FANCL: variants seen among roughly 807,000 people sequenced by gnomAD.
FANCL encodes the protein FA complementation group L.
In FANCL, 69 loss-of-function variants were observed where a neutral mutation model predicts 59.4. The ratio of observed to expected loss-of-function variants is 1.16; its 90% CI spans 0.96 to 1.42. FANCL has a LOEUF of 1.42. FANCL is among the 40% of genes most tolerant of loss of function. The pLI, the probability that FANCL is intolerant of heterozygous loss-of-function variation, is 0.00. For synonymous variants in FANCL, 180 were observed against 147.1 expected, an observed-to-expected ratio of 1.22 and a Z score of -1.62; for missense variants, 519 against 447.2, an observed-to-expected ratio of 1.16 and a Z score of -1.45.
intron 12 of FANCL, 101 bp from the exon 13 acceptor site, chr2:58,160,280 T>C: frequency 8.3e-7 from 1 of 1,210,694 alleles, no homozygotes; most frequent in Non-Finnish European, 1.2e-6. Flanking sequence ...ATGTTTTTAT[T>C]CCAGAAGACT....
rs1446960818 is a variant in FANCL at position 58,162,902 on chromosome 2, T to C, written c.867A>G (p.Glu289=). 3.1e-6 allele frequency: 5 copies of C among 1,612,788 alleles called. No individual in the cohort carries two copies. Among genetic ancestry groups the C allele is most frequent in the Non-Finnish European group, 3.4e-6 (4 of 1,179,178 alleles). The change falls in exon 11 of 14, where the codon GAA becomes GAG. Residue 289 remains glutamate (E), a synonymous_variant. Transcript: ENST00000233741. Reference sequence around the variant, plus strand: ...GGATAGCACGAGCTGGAAAATCAATTTCTAAAACATCTTTCAAATTTTGTA... The same window carrying C: ...GGATAGCACGAGCTGGAAAATCAATCTCTAAAACATCTTTCAAATTTTGTA... ...SVLQNLKDVL[E]IDFPARAILE... is the part of the protein sequence containing the mutation.
intron 7 of FANCL, among the ~76,000 whole-genome samples, chr2:58,176,229 C>A (rs1265093829): frequency 6.6e-6 from 1 of 152,124 alleles, no homozygotes; most frequent in Non-Finnish European, 1.5e-5. Flanking sequence ...GATTCAATGC[C>A]ATCCCCATCA....
At chr2:58,218,827 T>TTA (rs1692113705) in intron 5 of FANCL, among the ~76,000 whole-genome samples, 3 of 151,934 alleles carry the variant, frequency 2.0e-5, no homozygotes, top group Admixed American at 1.3e-4. Context: ...AAACTACATA[T>TTA]GGTAATGGAC....
Position 58,202,349 on chromosome 2 carries a change from TTG to T in FANCL, c.471+1779_471+1780del, listed in dbSNP as rs1319291059. ...TGCTGAACTTGTTTATTCTACTTAT[TTG>T]TCCAAATTCACAATCTAGAACTAAC... On this transcript the variant is annotated intron_variant, in intron 6 of 13. Transcript: ENST00000233741. Among the ~76,000 whole-genome samples the T allele has an allele frequency of 3.3e-5, 5 of 151,446 alleles. No individual in the cohort carries two copies. The East Asian group carries it at 9.6e-4, about 29-fold the overall frequency.
At chr2:58,240,626 C>T (rs1694435240) in intron 1 of FANCL, among the ~76,000 whole-genome samples, 1 of 152,210 alleles carries the variant, frequency 6.6e-6, no homozygotes, top group African/African-American at 2.4e-5. Flanking sequence ...AAACCCTACA[C>T]ATGTGTTAGT....
At chr2:58,209,503 C>T (rs867917833) in intron 5 of FANCL, among the ~76,000 whole-genome samples, 1 of 151,858 alleles carries the variant, frequency 6.6e-6, no homozygotes, top group Non-Finnish European at 1.5e-5. Context: ...AATGTCTATG[C>T]TATTATGTTT....
At chr2:58,163,613 C>G (rs1685541220) in intron 8 of FANCL, 96 bp from the exon 9 acceptor site, 9 of 750,776 alleles carry the variant, frequency 1.2e-5, no homozygotes, top group Non-Finnish European at 1.9e-5. Flanking sequence ...ACCTATTTCA[C>G]TGTATACCCA....
chr2:58,177,965 T>C lies in FANCL; in HGVS notation c.541-12091A>G, dbSNP rs1659133011. ...TATCACAGAATGCTATAAACACCTCTACACAAATAAACTAGAAAATCTAGA... is the reference window on the plus strand; with the variant it reads ...TATCACAGAATGCTATAAACACCTCCACACAAATAAACTAGAAAATCTAGA... On this transcript the variant is annotated intron_variant, in intron 7 of 13. Transcript: ENST00000233741. Among the ~76,000 whole-genome samples, 5 of 152,010 alleles carry C rather than the reference T, an allele frequency of 3.3e-5. 1 individual carries two copies. Among genetic ancestry groups the C allele is most frequent in the Admixed American group, 3.3e-4 (5 of 15,256 alleles).
At chr2:58,184,156 T>A (rs1014554427) in intron 7 of FANCL, among the ~76,000 whole-genome samples, 2 of 152,080 alleles carry the variant, frequency 1.3e-5, no homozygotes, top group African/African-American at 4.8e-5. Context: ...AATTCTTGTT[T>A]ATAAAGAGAT....
In FANCL at chr2:58,217,926, A is replaced by T. The variant is rs192773819; in HGVS notation, c.374+4016T>A. Among the ~76,000 whole-genome samples the T allele has an allele frequency of 4.8e-3, 731 of 152,270 alleles. 3 individuals carry two copies. The highest frequency in any genetic ancestry group is 6.8e-3 in the Non-Finnish European group (463 of 68,002). On this transcript the variant is annotated intron_variant, in intron 5 of 13. Coordinates refer to ENST00000233741, the MANE Select transcript of FANCL (RefSeq NM_018062.4). Reference sequence around the variant, plus strand: ...CTTCTTAAGTGGAAATAGAACACATACCAAAATTGACAAGGTGCTGGGTCA... The same window carrying T: ...CTTCTTAAGTGGAAATAGAACACATTCCAAAATTGACAAGGTGCTGGGTCA...
intron 7 of FANCL, among the ~76,000 whole-genome samples, chr2:58,192,152 CT>C (rs1688987128): frequency 6.6e-6 from 1 of 151,916 alleles, no homozygotes; most frequent in Non-Finnish European, 1.5e-5. Flanking sequence ...TTCCATGCAA[CT>C]AGTTTCTTTG....
At position 58,216,780 on chromosome 2, in the gene FANCL, C is replaced by T. The variant is rs138092430; in HGVS notation, c.374+5162G>A. Among the ~76,000 whole-genome samples the T allele has an allele frequency of 2.5e-4, 38 of 152,028 alleles. 1 individual carries two copies. The highest frequency in any genetic ancestry group is 2.4e-3 in the East Asian group (12 of 5,104). On this transcript the variant is annotated intron_variant, in intron 5 of 13. Transcript: ENST00000233741. ...ACCTTCATACCTTGACCTCTGACCT[C>T]ACCTACAACTGGGATGTACCTAGAG...
rs1178616707 is a variant in FANCL, at chr2:58,211,812, C to T, written c.375-7586G>A. ...TAAAACATAACAAGAGTAACCTTTG[C>T]TCCAGTTCCCAACAAATTCCTCACC... is the stretch of plus-strand genomic sequence containing the variant. On this transcript the variant is annotated intron_variant, in intron 5 of 13. Transcript: ENST00000233741. Among the ~76,000 whole-genome samples the T allele has an allele frequency of 2.0e-5, 3 of 152,276 alleles. No individual in the cohort carries two copies. In the East Asian group the frequency reaches 5.8e-4, roughly 29 times the overall value.
intron 2 of FANCL, among the ~76,000 whole-genome samples, chr2:58,230,655 C>T (rs1223222092): frequency 1.3e-5 from 2 of 152,144 alleles, no homozygotes; most frequent in Non-Finnish European, 2.9e-5. Flanking sequence ...TGTCACAACT[C>T]TCTCCATTCT....
chr2:58,238,029 C>G (rs967370461), intron 1 of FANCL, among the ~76,000 whole-genome samples: 3 of 152,164 alleles, frequency 2.0e-5, no homozygotes, highest in Non-Finnish European at 2.9e-5. Flanking sequence ...GGCCTCATGG[C>G]CAATAGCTAT....
chr2:58,237,520 T>C (rs931379378), intron 1 of FANCL, among the ~76,000 whole-genome samples: 1 of 152,092 alleles, frequency 6.6e-6, no homozygotes, highest in Non-Finnish European at 1.5e-5. Context: ...AAAGATCTCA[T>C]ATCAATAATC....
chr2:58,234,087 G>A (rs887067900), intron 1 of FANCL, among the ~76,000 whole-genome samples: 2 of 151,932 alleles, frequency 1.3e-5, no homozygotes, highest in Non-Finnish European at 2.9e-5. Context: ...CAGCCAAAAC[G>A]TCCATGAATA....
At chr2:58,199,025 T>C (rs1325738140) in intron 6 of FANCL, among the ~76,000 whole-genome samples, 2 of 131,880 alleles carry the variant, frequency 1.5e-5, no homozygotes, top group Non-Finnish European at 3.1e-5. Context: ...TGAATCTCCA[T>C]CTCAAAAAAA....
intron 7 of FANCL, among the ~76,000 whole-genome samples, chr2:58,188,463 A>G (rs528266241): frequency 3.3e-5 from 5 of 151,532 alleles, no homozygotes; most frequent in Non-Finnish European, 5.9e-5. Flanking sequence ...TTTTTGAGAT[A>G]GGGTCTCTCT....
Sources: allele counts gnomAD v4.1 joint callset (sites outside exome capture counted in the v4.1 genomes callset), GRCh38; gene constraint gnomAD v4.1.1; transcripts MANE v1.5; gene names NCBI Gene and HGNC (gene_info 2026-07-23, HGNC 2026-07-21).